Variants in DGKI observed in about 807,000 individuals in gnomAD.
The protein encoded by DGKI is diacylglycerol kinase iota.
Under a neutral mutation model 147.5 loss-of-function variants are expected in DGKI, and 55 were observed. The observed-to-expected ratio is 0.37, with a 90% confidence interval of 0.30 to 0.47. The LOEUF (loss-of-function observed/expected upper bound fraction) is 0.47. Ranked by LOEUF, DGKI falls within the 20% of genes least tolerant of loss-of-function variation. The pLI, the probability that DGKI is intolerant of heterozygous loss-of-function variation, is 1.00. For synonymous variants in DGKI, 469 were observed against 477.1 expected, an observed-to-expected ratio of 0.98 and a Z score of 0.22; for missense variants, 1,007 against 1,323.8, an observed-to-expected ratio of 0.76 and a Z score of 3.71.
intron 1 of DGKI, among the ~76,000 whole-genome samples, chr7:137,828,013 C>T (rs942313477): frequency 2.0e-5 from 3 of 152,218 alleles, no homozygotes; most frequent in South Asian, 2.1e-4. Flanking sequence ...TCCACTCAGA[C>T]ATAAGTGCCC....
chr7:137,683,933 C>T (rs1048695562), intron 2 of DGKI, among the ~76,000 whole-genome samples: 1 of 152,162 alleles, frequency 6.6e-6, no homozygotes, highest in African/African-American at 2.4e-5. Context: ...GTAATGGTTA[C>T]AGGCAAAAAG....
chr7:137,426,651 A>G (rs1585103551), intron 28 of DGKI, among the ~76,000 whole-genome samples: 4 of 149,064 alleles, frequency 2.7e-5, no homozygotes, highest in African/African-American at 9.8e-5. Flanking sequence ...TATTCAGGAA[A>G]CCCATCTCAT....
At chr7:137,533,145 T>C (rs1237970938) in intron 20 of DGKI, among the ~76,000 whole-genome samples, 1 of 151,864 alleles carries the variant, frequency 6.6e-6, no homozygotes, top group Non-Finnish European at 1.5e-5. Flanking sequence ...AATAAATAAA[T>C]AAGCACGGTG....
At chr7:137,684,844 G>T (rs951080365) in intron 2 of DGKI, among the ~76,000 whole-genome samples, 4 of 152,186 alleles carry the variant, frequency 2.6e-5, no homozygotes, top group Non-Finnish European at 1.5e-5. Context: ...CTGATGAAGA[G>T]GGGGGCCTGA....
chr7:137,558,747 C>G (rs1818311309), intron 19 of DGKI, among the ~76,000 whole-genome samples: 1 of 129,658 alleles, frequency 7.7e-6, no homozygotes, highest in Non-Finnish European at 1.5e-5. Flanking sequence ...GCTACAATCA[C>G]TTTCAGAACT....
intron 1 of DGKI, among the ~76,000 whole-genome samples, chr7:137,779,199 G>A (rs1796447533): frequency 6.6e-6 from 1 of 152,048 alleles, no homozygotes; most frequent in African/African-American, 2.4e-5. Context: ...ATAGTCAATT[G>A]ATTTTTGAAA....
chr7:137,721,681 A>G (rs1278785795), intron 1 of DGKI, among the ~76,000 whole-genome samples: 1 of 152,112 alleles, frequency 6.6e-6, no homozygotes, highest in Non-Finnish European at 1.5e-5. Context: ...AAAACCATTT[A>G]ATGTTTCCCT....
At chr7:137,560,735 C>T (rs556310688) in intron 19 of DGKI, among the ~76,000 whole-genome samples, 71 of 152,266 alleles carry the variant, frequency 4.7e-4, no homozygotes, top group African/African-American at 1.7e-3. Context: ...AGAATAGAAA[C>T]AGGCTGGAGT....
chr7:137,486,325 T>C (rs946946616), intron 22 of DGKI, among the ~76,000 whole-genome samples: 2 of 152,156 alleles, frequency 1.3e-5, no homozygotes, highest in Admixed American at 6.5e-5. Flanking sequence ...CTGTGAAGTC[T>C]TGTTAACAAA....
chr7:137,748,167 C>T (rs1795399301), intron 1 of DGKI, among the ~76,000 whole-genome samples: 1 of 152,096 alleles, frequency 6.6e-6, no homozygotes, highest in Admixed American at 6.5e-5. Context: ...GCTAATTCTA[C>T]AAACACAGTT....
intron 23 of DGKI, among the ~76,000 whole-genome samples, chr7:137,475,528 C>T (rs1364750608): frequency 2.0e-5 from 3 of 152,232 alleles, no homozygotes; most frequent in Non-Finnish European, 2.9e-5. Flanking sequence ...TAACGTGTCA[C>T]TTGCTAATTT....
At chr7:137,796,518 G>A (rs1041186681) in intron 1 of DGKI, among the ~76,000 whole-genome samples, 2 of 151,678 alleles carry the variant, frequency 1.3e-5, no homozygotes, top group African/African-American at 4.8e-5. Context: ...AAAGCTTTAC[G>A]TATGTTCAAA....
rs1248768640 is a variant in DGKI, at chr7:137,385,368, C to T, written c.*5852G>A. 6.6e-6 allele frequency: 1 copy of T among 151,892 alleles called. No homozygotes were observed. Among genetic ancestry groups the T allele is most frequent in the Admixed American group, 6.6e-5 (1 of 15,230 alleles). The allele number at this position is 151,892 out of a possible 1,614,324, so 9.4% of individuals were successfully genotyped here. On this transcript the variant is annotated 3_prime_UTR_variant, in exon 33 of 33. Transcript: ENST00000614521. ...TTTCATGAGTTTTTAAAATAAAATCCTGCCATTCAACAAAGCCATTAAAAA... is the reference window on the plus strand; with the variant it reads ...TTTCATGAGTTTTTAAAATAAAATCTTGCCATTCAACAAAGCCATTAAAAA...
chr7:137,536,633 T>C (rs1246151982), intron 20 of DGKI, among the ~76,000 whole-genome samples: 1 of 152,212 alleles, frequency 6.6e-6, no homozygotes, highest in Non-Finnish European at 1.5e-5. Flanking sequence ...AAGGACCAAC[T>C]GCAGTTTTTA....
chr7:137,750,206 A>C (rs1795455425), intron 1 of DGKI, among the ~76,000 whole-genome samples: 1 of 152,190 alleles, frequency 6.6e-6, no homozygotes, highest in Non-Finnish European at 1.5e-5. Flanking sequence ...TCTAACAAGA[A>C]AGGACTCGGC....
At chr7:137,718,059 G>A (rs1398407022) in intron 1 of DGKI, among the ~76,000 whole-genome samples, 3 of 152,048 alleles carry the variant, frequency 2.0e-5, no homozygotes, top group Non-Finnish European at 4.4e-5. Flanking sequence ...GAGGAGTGAT[G>A]ACTCACCCAA....
intron 20 of DGKI, among the ~76,000 whole-genome samples, chr7:137,529,536 A>T (rs1817268468): frequency 6.6e-6 from 1 of 152,230 alleles, no homozygotes; most frequent in Admixed American, 6.5e-5. Context: ...GCAAAGGTAT[A>T]GAACAAGCAA....
chr7:137,459,722 C>T (rs1814355109), intron 27 of DGKI, among the ~76,000 whole-genome samples: 1 of 152,060 alleles, frequency 6.6e-6, no homozygotes, highest in African/African-American at 2.4e-5. Flanking sequence ...GATCCACCCG[C>T]CTCAGCCTCC....
At chr7:137,492,771 A>G (rs1815815613) in intron 21 of DGKI, among the ~76,000 whole-genome samples, 1 of 152,186 alleles carries the variant, frequency 6.6e-6, no homozygotes, top group South Asian at 2.1e-4. Flanking sequence ...AGACCTGAAC[A>G]GAGCAGGGCC....
Sources: gnomAD v4.1 joint callset for allele counts (sites outside exome capture counted in the v4.1 genomes callset) on GRCh38, gnomAD v4.1.1 for gene constraint, MANE v1.5 for transcripts, NCBI Gene and HGNC (gene_info 2026-07-23, HGNC 2026-07-21) for gene names.